The following MAPT variants were observed in gnomAD, a reference collection of about 807,000 sequenced individuals.
The protein encoded by MAPT is microtubule-associated protein tau.
A neutral mutation model predicts 67.9 loss-of-function variants in MAPT; 34 were observed. The ratio of observed to expected loss-of-function variants is 0.50; its 90% confidence interval spans 0.38 to 0.67. The LOEUF (loss-of-function observed/expected upper bound fraction) is 0.67, where lower values mean the gene tolerates loss of function less well. Ranked by LOEUF, MAPT falls within the 30% of genes least tolerant of loss-of-function variation. The probability of loss-of-function intolerance (pLI) is 0.00; values close to 1 mark genes in which losing one functional copy is unlikely to be tolerated. For synonymous variants in MAPT, 456 were observed against 464.5 expected, an observed-to-expected ratio of 0.98 and a Z score of 0.23; for missense variants, 881 against 1,115.2, an observed-to-expected ratio of 0.79 and a Z score of 2.99.
rs563229362 is a variant in MAPT at position 46,003,339 on chromosome 17, T to C, written c.1998+6675T>C. On this transcript the variant is annotated intron_variant, in intron 9 of 12. Transcript: ENST00000262410. ...TGTCACCCAGGCTGGAGTGCAGTGGTGCAATCTCGGCTCACTGCAACCTCC... is the reference window on the plus strand; with the variant it reads ...TGTCACCCAGGCTGGAGTGCAGTGGCGCAATCTCGGCTCACTGCAACCTCC... Among the ~76,000 whole-genome samples, 15 of 152,178 alleles carry C rather than the reference T, an allele frequency of 9.9e-5. No homozygotes were observed. In the East Asian group the frequency reaches 1.2e-3, roughly 12 times the overall value.
Position 45,903,731 on chromosome 17 carries a change from AG to A in MAPT, c.-18+9047del, listed in dbSNP as rs1369458893. Among the ~76,000 whole-genome samples the A allele has an allele frequency of 3.9e-5, 4 of 101,464 alleles. 1 individual carries two copies. The highest frequency in any genetic ancestry group is 8.0e-5 in the Non-Finnish European group (4 of 49,830). 66.6% of individuals were successfully genotyped at this position (101,464 alleles called of 152,430 possible). On this transcript the variant is annotated intron_variant, in intron 1 of 12. Transcript: ENST00000262410. Reference sequence around the variant, plus strand: ...CTTCTTCTCAAAAAAAAAAAAAAAAAGGAATCTCTTTGGTTTTATATATATT... The same window carrying A: ...CTTCTTCTCAAAAAAAAAAAAAAAAAGAATCTCTTTGGTTTTATATATATT...
Position 45,945,690 on chromosome 17 carries a change from G to A in MAPT, c.-17-16631G>A, listed in dbSNP as rs1598086680. ...TAGCTGGGCGTGGTGGTGCACACCT[G>A]TAATCCCAGCTACTCAGGAGGCTGA... On this transcript the variant is annotated intron_variant, in intron 1 of 12. Coordinates refer to ENST00000262410, the MANE Select transcript of MAPT (RefSeq NM_001377265.1). Among the ~76,000 whole-genome samples the A allele has an allele frequency of 3.9e-5, 6 of 152,288 alleles. No homozygotes were observed. The South Asian group carries it at 1.2e-3, about 32-fold the overall frequency.
chr17:45,941,067 A>G (rs962614728), intron 1 of MAPT, among the ~76,000 whole-genome samples: 35 of 152,188 alleles, frequency 2.3e-4, no homozygotes, highest in Non-Finnish European at 4.7e-4. Flanking sequence ...AGCCAGCCAG[A>G]GGGCTCCTGT....
Position 45,983,082 on chromosome 17 carries a change from A to G in MAPT, c.503A>G (p.Gln168Arg). The change falls in exon 5 of 13, where the codon CAG becomes CGG. Residue 168 changes from glutamine to arginine, a missense_variant. This residue lies in a region of MAPT where 687 missense variants were observed against 766.1 expected (regional missense o/e 0.90). Coordinates refer to ENST00000262410, the MANE Select transcript of MAPT (RefSeq NM_001377265.1). ...GCGCCTCCTCCAACAGGAGGCCCTC[A>G]GGAGCCCTCCCTGGAGTGGGGACAA... ...CPAPPPTGGP[Q>R]EPSLEWGQKG... The G allele has an allele frequency of 1.3e-6, 2 of 1,542,676 alleles. No homozygotes were observed. The highest frequency in any genetic ancestry group is 2.4e-5 in the South Asian group (2 of 84,048).
intron 5 of MAPT, among the ~76,000 whole-genome samples, chr17:45,986,834 G>A (rs1410653998): frequency 3.3e-5 from 5 of 152,142 alleles, no homozygotes; most frequent in African/African-American, 7.2e-5. Flanking sequence ...GCCAGGTTGC[G>A]CTAATCAGTG....
intron 1 of MAPT, among the ~76,000 whole-genome samples, chr17:45,913,701 C>T (rs912460204): frequency 2.0e-5 from 3 of 152,224 alleles, no homozygotes; most frequent in South Asian, 4.1e-4. Flanking sequence ...TCCATCATTT[C>T]ATGTCCATCA....
chr17:45,991,692 C>A, intron 8 of MAPT, 106 bp downstream of exon 8: 1 of 1,512,720 alleles, frequency 6.6e-7, no homozygotes, highest in Non-Finnish European at 9.1e-7. Flanking sequence ...CCCCTGGCAG[C>A]TGGTCAGCAG....
In MAPT at chr17:45,894,639, TCTC is replaced by T. The variant is rs1169651826; in HGVS notation, c.-57_-55del. On this transcript the variant is annotated 5_prime_UTR_variant, in exon 1 of 13. Coordinates refer to ENST00000262410, the MANE Select transcript of MAPT (RefSeq NM_001377265.1). The stretch of plus-strand genomic sequence containing the variant: ...TCTGCCGCCGCCACCACAGCCACCT[TCTC>T]CTCCTCCGCTGTCCTCTCCCGTCCT... 6.5e-6 allele frequency: 1 copy of T among 152,776 alleles called. No homozygotes were observed. The highest frequency in any genetic ancestry group is 2.4e-5 in the African/African-American group (1 of 41,146). The allele number at this position is 152,776 out of a possible 1,614,324, so 9.5% of individuals were successfully genotyped here.
At chr17:45,982,757 G>C in intron 4 of MAPT, 109 bp from the exon 5 acceptor site, 1 of 385,726 alleles carries the variant, frequency 2.6e-6, no homozygotes, top group Non-Finnish European at 3.7e-6. Flanking sequence ...TCTTTGTTAG[G>C]GGGCCTGGGA....
At chr17:45,942,480 T>A (rs551516587) in intron 1 of MAPT, among the ~76,000 whole-genome samples, 1 of 152,256 alleles carries the variant, frequency 6.6e-6, no homozygotes, top group Non-Finnish European at 1.5e-5. Context: ...TCGTGGGTAC[T>A]GTCAAACAAG....
rs1597799424 is a variant in MAPT, at chr17:45,896,193, C to T, written c.-18+1507C>T. The T allele has an allele frequency of 6.6e-6, 1 of 152,118 alleles. No individual in the cohort carries two copies. Among genetic ancestry groups the T allele is most frequent in the African/African-American group, 2.4e-5 (1 of 41,422 alleles). 9.4% of individuals were successfully genotyped at this position (152,118 alleles called of 1,614,324 possible). A position where few individuals can be genotyped will look rare whatever the true frequency, so the allele number is the denominator to read the frequency against. ...CGCATGGAACGGGCGTGACCGCGCG[C>T]AGCCTCGTCTCGGAGTCTGCCGGCG... On this transcript the variant is annotated intron_variant, in intron 1 of 12. Coordinates refer to ENST00000262410, the MANE Select transcript of MAPT (RefSeq NM_001377265.1). This position sits in a 1 kb window ranked among gnomAD's most constrained non-coding sequence, Gnocchi z 5.6.
intron 11 of MAPT, among the ~76,000 whole-genome samples, chr17:46,016,105 C>T (rs1483252666): frequency 6.6e-6 from 1 of 152,136 alleles, no homozygotes; most frequent in African/African-American, 2.4e-5. Context: ...GAAAATGATG[C>T]TCTGGGCCGG....
At chr17:46,007,663 C>G (rs2075543226) in intron 9 of MAPT, among the ~76,000 whole-genome samples, 1 of 152,008 alleles carries the variant, frequency 6.6e-6, no homozygotes, top group African/African-American at 2.4e-5. Context: ...AAAAAATAAG[C>G]AAAACAATGT....
intron 1 of MAPT, among the ~76,000 whole-genome samples, chr17:45,923,646 C>CTT (rs1471825678): frequency 6.6e-6 from 1 of 152,234 alleles, no homozygotes; most frequent in African/African-American, 2.4e-5. Context: ...GGCCTACCCA[C>CTT]TTTAGCTTTT....
rs1031764089 is a variant in MAPT at position 45,959,282 on chromosome 17, A to C, written c.-17-3039A>C. ...TTACAACCAATGAATCCTCATTAAC[A>C]TATCATTATCACCCAAGTTCATAGT... On this transcript the variant is annotated intron_variant, in intron 1 of 12. Coordinates refer to ENST00000262410, the MANE Select transcript of MAPT (RefSeq NM_001377265.1). Among the ~76,000 whole-genome samples the C allele has an allele frequency of 5.9e-5, 9 of 152,174 alleles. No individual in the cohort carries two copies. The East Asian group carries it at 1.5e-3, about 26-fold the overall frequency.
At position 45,915,006 on chromosome 17, in the gene MAPT, C is replaced by G. The variant is rs1000505390; in HGVS notation, c.-18+20320C>G. ...GGCTGAGATTAAAACGTGAGTCACCCTGCCCAGCCAATTGCTTTTTAAAAA... is the reference window on the plus strand; with the variant it reads ...GGCTGAGATTAAAACGTGAGTCACCGTGCCCAGCCAATTGCTTTTTAAAAA... On this transcript the variant is annotated intron_variant, in intron 1 of 12. Coordinates refer to ENST00000262410, the MANE Select transcript of MAPT (RefSeq NM_001377265.1). This position sits in a 1 kb window ranked among gnomAD's most constrained non-coding sequence, Gnocchi z 4.4. 6.6e-5 allele frequency among the ~76,000 whole-genome samples: 10 copies of G among 152,178 alleles called. No individual in the cohort carries two copies. Among genetic ancestry groups the G allele is most frequent in the African/African-American group, 1.4e-4 (6 of 41,444 alleles).
At chr17:45,903,861 A>ATT (rs2063827157) in intron 1 of MAPT, among the ~76,000 whole-genome samples, 3 of 52,736 alleles carry the variant, frequency 5.7e-5, no homozygotes, top group Non-Finnish European at 1.1e-4. Context: ...TATATTATAT[A>ATT]TATTATATAT....
chr17:45,980,898 C>T (rs899746111), intron 4 of MAPT, among the ~76,000 whole-genome samples: 1 of 152,178 alleles, frequency 6.6e-6, no homozygotes, highest in African/African-American at 2.4e-5. Context: ...TCCCATAAGG[C>T]ACCTGCAGAG....
At chr17:45,925,164 G>A (rs768385494) in intron 1 of MAPT, among the ~76,000 whole-genome samples, 2 of 152,192 alleles carry the variant, frequency 1.3e-5, no homozygotes, top group Non-Finnish European at 2.9e-5. Context: ...ATATATGTTT[G>A]TGGATTTGTT....
Sources: gnomAD v4.1 joint callset for allele counts (sites outside exome capture counted in the v4.1 genomes callset) on GRCh38, gnomAD v4.1.1 for gene constraint, gnomAD v4.1.1 regional missense constraint, Gnocchi (gnomAD v3.1) non-coding constraint, MANE v1.5 for transcripts, NCBI Gene and HGNC (gene_info 2026-07-23, HGNC 2026-07-21) for gene names.